CDH6: variants seen among roughly 807,000 people sequenced by gnomAD.
The protein encoded by CDH6 is cadherin-6.
A neutral mutation model predicts 78.0 loss-of-function variants in CDH6; 31 were observed. The ratio of observed to expected loss-of-function variants is 0.40; its 90% CI spans 0.30 to 0.54. The LOEUF is 0.54. Ranked by LOEUF, CDH6 falls within the 20% of genes least tolerant of loss-of-function variation. CDH6 has a pLI of 0.56. For missense variants in CDH6, 724 were observed against 975.9 expected, an observed-to-expected ratio of 0.74 and a Z score of 3.44; for synonymous variants, 376 against 368.8, an observed-to-expected ratio of 1.02 and a Z score of -0.23.
At chr5:31,237,948 A>C (rs1442025008) in intron 1 of CDH6, among the ~76,000 whole-genome samples, 4 of 152,300 alleles carry the variant, frequency 2.6e-5, no homozygotes, top group East Asian at 1.9e-4. Flanking sequence ...ATAGTTAAGT[A>C]TTCCAAAGAT....
chr5:31,199,461 TATATACACACAC>T (rs1240857145), intron 1 of CDH6, among the ~76,000 whole-genome samples: 53 of 25,330 alleles, frequency 2.1e-3, no homozygotes, highest in African/African-American at 3.6e-3. Context: ...CATATGTGTA[TATATACACACAC>T]ATATGTGTAT....
intron 1 of CDH6, among the ~76,000 whole-genome samples, chr5:31,199,431 T>C (rs200684019): frequency 3.2e-4 from 13 of 40,998 alleles, no homozygotes; most frequent in Admixed American, 1.1e-3. Context: ...TGTACACACA[T>C]ATGTGTATAT....
intron 1 of CDH6, chr5:31,249,121 AC>A (rs1407110985): frequency 6.6e-6 from 1 of 152,236 alleles, no homozygotes; most frequent in African/African-American, 2.4e-5. Context: ...GTAGTACCCA[AC>A]AAATACATGC....
intron 1 of CDH6, among the ~76,000 whole-genome samples, chr5:31,225,606 G>A (rs982448261): frequency 6.6e-6 from 1 of 152,060 alleles, no homozygotes; most frequent in Non-Finnish European, 1.5e-5. Context: ...GAGAGAAGGG[G>A]GAGGTGCTAC....
intron 7 of CDH6, among the ~76,000 whole-genome samples, chr5:31,308,567 T>A (rs1266422732): frequency 6.6e-6 from 1 of 152,060 alleles, no homozygotes; most frequent in Non-Finnish European, 1.5e-5. Flanking sequence ...TTAAATTACC[T>A]TGGAAGGAAA....
intron 2 of CDH6, among the ~76,000 whole-genome samples, chr5:31,293,301 G>C (rs1053969139): frequency 6.6e-6 from 1 of 152,030 alleles, no homozygotes; most frequent in Non-Finnish European, 1.5e-5. Flanking sequence ...ATCTAGTCAG[G>C]TGATTTTCAA....
intron 1 of CDH6, among the ~76,000 whole-genome samples, chr5:31,227,952 T>C (rs931923980): frequency 1.3e-5 from 2 of 152,196 alleles, no homozygotes; most frequent in African/African-American, 4.8e-5. Flanking sequence ...TACAGATTTA[T>C]AGGTCAGAGG....
chr5:31,318,482 C>G (rs1579915192), intron 11 of CDH6: 1 of 237,174 alleles, frequency 4.2e-6, no homozygotes, highest in Non-Finnish European at 8.4e-6. Context: ...TGCATAAGGT[C>G]TATTCCTCAC....
At chr5:31,300,113 G>A (rs546013188) in intron 5 of CDH6, among the ~76,000 whole-genome samples, 7 of 152,186 alleles carry the variant, frequency 4.6e-5, no homozygotes, top group African/African-American at 1.4e-4. Context: ...ATCATAAGTC[G>A]TTTTCTACAT....
rs73089374 is a variant in CDH6 at position 31,277,330 on chromosome 5, C to T, written c.228+9629C>T. Among the ~76,000 whole-genome samples the T allele has an allele frequency of 6.8e-3, 1,041 of 152,074 alleles. 17 individuals are homozygous for T. Among genetic ancestry groups the T allele is most frequent in the African/African-American group, 0.024 (987 of 41,486 alleles). Reference sequence around the variant, plus strand: ...TTGCCATGAATGTTATTATAGAATCCGGTTAACTCTTGTTTGTTTGTAATA... The same window carrying T: ...TTGCCATGAATGTTATTATAGAATCTGGTTAACTCTTGTTTGTTTGTAATA... On this transcript the variant is annotated intron_variant, in intron 2 of 11. Coordinates refer to ENST00000265071, the MANE Select transcript of CDH6 (RefSeq NM_004932.4).
chr5:31,253,144 C>T (rs2149925765), intron 1 of CDH6, among the ~76,000 whole-genome samples: 1 of 152,296 alleles, frequency 6.6e-6, no homozygotes, highest in Non-Finnish European at 1.5e-5. Context: ...TCCTCACATG[C>T]CAGAAGGGGT....
intron 6 of CDH6, among the ~76,000 whole-genome samples, chr5:31,302,796 GAGAGA>G (rs1737822101): frequency 6.4e-5 from 2 of 31,132 alleles, no homozygotes; most frequent in African/African-American, 2.1e-4. Flanking sequence ...GAGAGAGAGA[GAGAGA>G]AAGAAAGAAA....
chr5:31,317,340 A>C (rs780649364), intron 9 of CDH6, 35 bp from the exon 10 acceptor site: 1 of 1,051,180 alleles, frequency 9.5e-7, no homozygotes, highest in South Asian at 1.4e-5. Flanking sequence ...TTGAGTTATC[A>C]AAATTTTATG....
At chr5:31,238,953 C>T (rs887019971) in intron 1 of CDH6, among the ~76,000 whole-genome samples, 5 of 152,160 alleles carry the variant, frequency 3.3e-5, no homozygotes, top group African/African-American at 1.2e-4. Context: ...AAGTAACACA[C>T]TTAAGTAGTC....
chr5:31,303,604 G>A (rs1186656553), intron 6 of CDH6, among the ~76,000 whole-genome samples: 1 of 152,108 alleles, frequency 6.6e-6, no homozygotes, highest in Non-Finnish European at 1.5e-5. Context: ...AAAAACCAAT[G>A]AATTGTATGC....
intron 1 of CDH6, among the ~76,000 whole-genome samples, chr5:31,256,232 G>A (rs895523198): frequency 1.3e-5 from 2 of 152,124 alleles, no homozygotes; most frequent in Non-Finnish European, 2.9e-5. Flanking sequence ...ATACAGGAAC[G>A]GTCGGTAAGT....
intron 2 of CDH6, among the ~76,000 whole-genome samples, chr5:31,281,497 A>C (rs1742863511): frequency 6.6e-6 from 1 of 152,144 alleles, no homozygotes; most frequent in South Asian, 2.1e-4. Flanking sequence ...TTGATTTACC[A>C]CTGGCTTTCT....
At chr5:31,252,016 A>T (rs1741922726) in intron 1 of CDH6, among the ~76,000 whole-genome samples, 1 of 152,198 alleles carries the variant, frequency 6.6e-6, no homozygotes, top group Non-Finnish European at 1.5e-5. Context: ...TCCATCAAGA[A>T]AAAAATTCTG....
intron 8 of CDH6, 70 bp downstream of exon 8, chr5:31,313,524 C>G: frequency 1.4e-6 from 2 of 1,412,876 alleles, no homozygotes; most frequent in Non-Finnish European, 2.0e-6. Flanking sequence ...GCTGGTGGAG[C>G]GTAGCTTGTC....
Sources: gnomAD v4.1 joint callset for allele counts (sites outside exome capture counted in the v4.1 genomes callset) on GRCh38, gnomAD v4.1.1 for gene constraint, MANE v1.5 for transcripts, NCBI Gene and HGNC (gene_info 2026-07-23, HGNC 2026-07-21) for gene names.